The following ATRNL1 variants were observed in gnomAD, a reference collection of about 807,000 sequenced individuals.
ATRNL1 encodes attractin like 1, also known as attractin-like protein 1.
Under a neutral mutation model 182.7 loss-of-function variants are expected in ATRNL1, and 95 were observed. The observed-to-expected ratio is 0.52, with a 90% CI of 0.44 to 0.62. The LOEUF is 0.62. ATRNL1 is among the 20% of genes least tolerant of loss of function. The probability of loss-of-function intolerance (pLI) is 0.00; values close to 1 mark genes in which losing one functional copy is unlikely to be tolerated. For missense variants in ATRNL1, 1,471 were observed against 1,679.5 expected, an observed-to-expected ratio of 0.88 and a Z score of 2.17; for synonymous variants, 576 against 568.3, an observed-to-expected ratio of 1.01 and a Z score of -0.19.
chr10:115,354,099 C>T (rs1322706594), intron 19 of ATRNL1, among the ~76,000 whole-genome samples: 1 of 152,114 alleles, frequency 6.6e-6, no homozygotes, highest in African/African-American at 2.4e-5. Flanking sequence ...TTGAATATGG[C>T]CCAACACAAA....
intron 17 of ATRNL1, 80 bp from the exon 18 acceptor site, chr10:115,315,438 A>G: frequency 9.8e-7 from 1 of 1,020,300 alleles, no homozygotes; most frequent in South Asian, 1.7e-5. Flanking sequence ...TATCATGATC[A>G]TATTTATTTT....
chr10:115,215,927 A>G, intron 9 of ATRNL1, 47 bp downstream of exon 9: 1 of 1,364,294 alleles, frequency 7.3e-7, no homozygotes, highest in South Asian at 1.7e-5. Context: ...TTATTATTGT[A>G]AATGATTGAC....
chr10:115,438,806 A>G (rs1266008451), intron 21 of ATRNL1, among the ~76,000 whole-genome samples: 1 of 151,958 alleles, frequency 6.6e-6, no homozygotes, highest in Non-Finnish European at 1.5e-5. Context: ...GTTAGCCTAT[A>G]TCTAAGAAGT....
At chr10:115,302,317 A>G (rs1283641178) in intron 17 of ATRNL1, among the ~76,000 whole-genome samples, 1 of 152,088 alleles carries the variant, frequency 6.6e-6, no homozygotes, top group African/African-American at 2.4e-5. Flanking sequence ...ACAGTATAAC[A>G]CTTCATGAGA....
chr10:115,489,420 G>A (rs1554975938), intron 24 of ATRNL1, among the ~76,000 whole-genome samples: 2 of 152,108 alleles, frequency 1.3e-5, no homozygotes, highest in South Asian at 2.1e-4. Context: ...TGTATTGGGT[G>A]CATATATATT....
chr10:115,197,634 A>G (rs936233762), intron 8 of ATRNL1, among the ~76,000 whole-genome samples: 2 of 144,842 alleles, frequency 1.4e-5, no homozygotes, highest in African/African-American at 4.9e-5. Flanking sequence ...CTCAGTATAT[A>G]TGGGGGATTG....
At chr10:115,801,000 CAGAAA>C (rs1223344668) in intron 27 of ATRNL1, among the ~76,000 whole-genome samples, 1 of 152,220 alleles carries the variant, frequency 6.6e-6, no homozygotes, top group Non-Finnish European at 1.5e-5. Flanking sequence ...GGCCTGTCTT[CAGAAA>C]CAGGTTCACA....
rs1460930176 is a variant in ATRNL1 at position 115,946,386 on chromosome 10, A to G, written c.*1607A>G. On this transcript the variant is annotated 3_prime_UTR_variant, in exon 29 of 29. Coordinates refer to ENST00000355044, the MANE Select transcript of ATRNL1 (RefSeq NM_207303.4). ...GAATTTGATGAGGATTGAATGTCATATATAAGAGGAATGATCATACAATAT... is the reference window on the plus strand; with the variant it reads ...GAATTTGATGAGGATTGAATGTCATGTATAAGAGGAATGATCATACAATAT... 2 of 152,202 alleles carry G rather than the reference A, an allele frequency of 1.3e-5. No individual in the cohort carries two copies. The highest frequency in any genetic ancestry group is 2.4e-5 in the African/African-American group (1 of 41,450). 9.4% of individuals were successfully genotyped at this position (152,202 alleles called of 1,614,324 possible).
At chr10:115,531,534 T>C (rs1851581633) in intron 25 of ATRNL1, among the ~76,000 whole-genome samples, 1 of 151,024 alleles carries the variant, frequency 6.6e-6, no homozygotes, top group African/African-American at 2.4e-5. Context: ...ATTAGTCCTT[T>C]GTCAGATGAG....
At chr10:115,320,678 A>C (rs951554227) in intron 18 of ATRNL1, among the ~76,000 whole-genome samples, 1 of 151,304 alleles carries the variant, frequency 6.6e-6, no homozygotes, top group East Asian at 1.9e-4. Context: ...CCACTTCGTC[A>C]CTTCGGCTAT....
intron 26 of ATRNL1, among the ~76,000 whole-genome samples, chr10:115,688,396 T>C (rs1555047020): frequency 6.6e-6 from 1 of 152,170 alleles, no homozygotes; most frequent in Non-Finnish European, 1.5e-5. Flanking sequence ...CTCTACTGTT[T>C]CCACAGTGGC....
intron 15 of ATRNL1, among the ~76,000 whole-genome samples, chr10:115,297,821 T>A (rs961750620): frequency 5.3e-5 from 8 of 152,130 alleles, no homozygotes; most frequent in East Asian, 3.9e-4. Context: ...AGACATATTA[T>A]TTTTAGTTCT....
At chr10:115,536,889 T>G (rs77358628) in intron 25 of ATRNL1, among the ~76,000 whole-genome samples, 2,320 of 152,360 alleles carry the variant, frequency 0.015, 18 homozygotes, top group Middle Eastern at 0.037. Context: ...CAAAGAGATA[T>G]AATCCTAGAA....
intron 13 of ATRNL1, among the ~76,000 whole-genome samples, chr10:115,279,227 A>G (rs1223877884): frequency 6.6e-6 from 1 of 151,782 alleles, no homozygotes; most frequent in Non-Finnish European, 1.5e-5. Flanking sequence ...AATAATAATA[A>G]TAAAGACTCT....
chr10:115,292,062 C>T (rs1270985239), intron 15 of ATRNL1, among the ~76,000 whole-genome samples: 1 of 151,694 alleles, frequency 6.6e-6, no homozygotes. Flanking sequence ...TTCAACTTTT[C>T]TATTTCTTTT....
intron 27 of ATRNL1, among the ~76,000 whole-genome samples, chr10:115,790,679 G>A (rs1388059802): frequency 3.3e-5 from 5 of 151,044 alleles, no homozygotes; most frequent in African/African-American, 1.2e-4. Context: ...TGGTGTCAGA[G>A]AGATCTAGAC....
rs782539121 is a variant in ATRNL1, at chr10:115,315,607, G to A, written c.2908G>A (p.Gly970Arg). Residue 970 changes from glycine (G) to arginine (R), a missense_variant, in exon 18 of 29, where the codon GGA (glycine) becomes AGA (arginine). Coordinates refer to ENST00000355044, the MANE Select transcript of ATRNL1 (RefSeq NM_207303.4). ...CAATGATCCTAGTAATACAGGAAGA[G>A]GACATTGCATTGAAGGTTCTTCACG... The part of the protein sequence containing the change: ...WCNDPSNTGR[G>R]HCIEGSSRGP... 6.2e-7 allele frequency: 1 copy of A among 1,613,932 alleles called. No individual in the cohort carries two copies. The highest frequency in any genetic ancestry group is 1.1e-5 in the South Asian group (1 of 91,074).
At chr10:115,751,754 G>A (rs549599656) in intron 27 of ATRNL1, among the ~76,000 whole-genome samples, 1 of 152,194 alleles carries the variant, frequency 6.6e-6, no homozygotes, top group South Asian at 2.1e-4. Flanking sequence ...ATATTGCTAA[G>A]TGAAAGTGGC....
chr10:115,256,077 G>A (rs1404111273), intron 10 of ATRNL1, among the ~76,000 whole-genome samples: 1 of 152,160 alleles, frequency 6.6e-6, no homozygotes, highest in Non-Finnish European at 1.5e-5. Flanking sequence ...ATGTTCATCA[G>A]GGATATTGGT....
Sources: allele counts gnomAD v4.1 joint callset (sites outside exome capture counted in the v4.1 genomes callset), GRCh38; gene constraint gnomAD v4.1.1; transcripts MANE v1.5; gene names NCBI Gene and HGNC (gene_info 2026-07-23, HGNC 2026-07-21).